The following CGNL1 variants were observed in gnomAD, a reference collection of about 807,000 sequenced individuals.
The protein encoded by CGNL1 is cingulin like 1.
A neutral mutation model predicts 141.2 loss-of-function variants in CGNL1; 132 were observed. The observed-to-expected ratio is 0.93, with a 90% CI of 0.81 to 1.08. The LOEUF is 1.08. CGNL1 is among the 50% of genes least tolerant of loss of function. The pLI is 0.00. For synonymous variants in CGNL1, 690 were observed against 622.1 expected (o/e 1.11, Z -1.63); for missense variants, 1,870 against 1,588.6 (o/e 1.18, Z -3.01).
At chr15:57,412,845 T>A (rs1396613355) in intron 1 of CGNL1, among the ~76,000 whole-genome samples, 2 of 152,164 alleles carry the variant, frequency 1.3e-5, no homozygotes, top group Admixed American at 1.3e-4. Flanking sequence ...CCCAGTGCCA[T>A]CTCTTAGTAT....
At chr15:57,450,041 A>G (rs2063302886) in intron 4 of CGNL1, among the ~76,000 whole-genome samples, 1 of 152,214 alleles carries the variant, frequency 6.6e-6, no homozygotes, top group African/African-American at 2.4e-5. Flanking sequence ...TTTTGTGTGG[A>G]CATGAGACTT....
rs61998131 is a variant in CGNL1 at position 57,465,546 on chromosome 15, A to C, written c.2403+3654A>C. Among the ~76,000 whole-genome samples the C allele has an allele frequency of 7.0e-3, 1,069 of 151,726 alleles. 4 individuals are homozygous for C. Among genetic ancestry groups the C allele is most frequent in the Non-Finnish European group, 0.013 (853 of 67,916 alleles). On this transcript the variant is annotated intron_variant, in intron 8 of 18. Transcript: ENST00000281282. ...GCTGGGATTACAGGCATGCGCCACC[A>C]CACCTGACTAATTTTTGTATTTTTA...
At chr15:57,458,694 G>A (rs1445952344) in intron 7 of CGNL1, among the ~76,000 whole-genome samples, 2 of 152,196 alleles carry the variant, frequency 1.3e-5, no homozygotes, top group Admixed American at 6.5e-5. Context: ...GCCCTGGGGG[G>A]TAGCCGGAAG....
intron 8 of CGNL1, among the ~76,000 whole-genome samples, chr15:57,471,624 C>A (rs1280094686): frequency 3.9e-5 from 6 of 152,160 alleles, no homozygotes. Flanking sequence ...CTGCCTATGC[C>A]TAGCCTTCTG....
chr15:57,412,846 C>G (rs1169076516), intron 1 of CGNL1, among the ~76,000 whole-genome samples: 1 of 152,130 alleles, frequency 6.6e-6, no homozygotes, highest in Non-Finnish European at 1.5e-5. Flanking sequence ...CCAGTGCCAT[C>G]TCTTAGTATC....
At chr15:57,517,256 C>T (rs1369218333) in intron 9 of CGNL1, among the ~76,000 whole-genome samples, 5 of 152,242 alleles carry the variant, frequency 3.3e-5, no homozygotes, top group Non-Finnish European at 7.3e-5. Flanking sequence ...CATACCCAGC[C>T]TTCCATGGCT....
intron 8 of CGNL1, among the ~76,000 whole-genome samples, chr15:57,512,299 C>T (rs2030381777): frequency 6.6e-6 from 1 of 151,998 alleles, no homozygotes; most frequent in Admixed American, 6.6e-5. Context: ...TTTTTGATTC[C>T]ATTACTACTG....
intron 8 of CGNL1, among the ~76,000 whole-genome samples, chr15:57,480,587 G>T (rs1403485867): frequency 9.2e-5 from 14 of 152,136 alleles, no homozygotes; most frequent in African/African-American, 3.4e-4. Context: ...ACCATCATTT[G>T]TCTGTGGGGG....
chr15:57,506,524 C>G (rs2064105266), intron 8 of CGNL1, among the ~76,000 whole-genome samples: 2 of 152,176 alleles, frequency 1.3e-5, no homozygotes, highest in African/African-American at 2.4e-5. Context: ...TCATAGAAGC[C>G]CCTGAAATGC....
chr15:57,385,635 A>G (rs1034331806), intron 1 of CGNL1, among the ~76,000 whole-genome samples: 10 of 152,306 alleles, frequency 6.6e-5, no homozygotes, highest in Middle Eastern at 3.4e-3. Flanking sequence ...CTTCCATTTC[A>G]GGTTTGTTTC....
intron 8 of CGNL1, among the ~76,000 whole-genome samples, chr15:57,506,609 TGGC>T (rs1428647486): frequency 2.6e-5 from 4 of 152,204 alleles, no homozygotes; most frequent in Non-Finnish European, 5.9e-5. Context: ...CTTCCCTGGC[TGGC>T]TCTGGGGAAT....
chr15:57,402,350 C>T (rs2062669416), intron 1 of CGNL1, among the ~76,000 whole-genome samples: 1 of 152,230 alleles, frequency 6.6e-6, no homozygotes, highest in Non-Finnish European at 1.5e-5. Context: ...TCACTAGAAG[C>T]TGAGCAGATG....
At chr15:57,485,720 T>C (rs1182038887) in intron 8 of CGNL1, among the ~76,000 whole-genome samples, 1 of 152,202 alleles carries the variant, frequency 6.6e-6, no homozygotes, top group Non-Finnish European at 1.5e-5. Flanking sequence ...CATAAGAGTA[T>C]AGAGTAGAAG....
At chr15:57,468,850 C>A (rs2063544659) in intron 8 of CGNL1, among the ~76,000 whole-genome samples, 1 of 152,088 alleles carries the variant, frequency 6.6e-6, no homozygotes. Flanking sequence ...TGAATAAGTC[C>A]CACGAAATCT....
intron 1 of CGNL1, among the ~76,000 whole-genome samples, chr15:57,401,449 A>C (rs1262257933): frequency 6.6e-6 from 1 of 152,176 alleles, no homozygotes; most frequent in Non-Finnish European, 1.5e-5. Flanking sequence ...TTGAATTTTT[A>C]AAAAGTTCCC....
intron 1 of CGNL1, among the ~76,000 whole-genome samples, chr15:57,409,314 A>T (rs1207945863): frequency 6.6e-6 from 1 of 152,146 alleles, no homozygotes; most frequent in African/African-American, 2.4e-5. Flanking sequence ...TGGGCTGGAG[A>T]TGTCTGGGGC....
At chr15:57,429,502 AG>A (rs1213259560) in intron 1 of CGNL1, among the ~76,000 whole-genome samples, 1 of 152,224 alleles carries the variant, frequency 6.6e-6, no homozygotes, top group Non-Finnish European at 1.5e-5. Flanking sequence ...AGGAAACTGT[AG>A]CACAAACGGT....
chr15:57,413,410 G>A (rs1192706053), intron 1 of CGNL1, among the ~76,000 whole-genome samples: 1 of 152,160 alleles, frequency 6.6e-6, no homozygotes, highest in East Asian at 1.9e-4. Flanking sequence ...CTGAGTAGCT[G>A]AGACTACAAG....
At chr15:57,530,659 A>C (rs752402737) in intron 13 of CGNL1, among the ~76,000 whole-genome samples, 6 of 152,164 alleles carry the variant, frequency 3.9e-5, no homozygotes, top group Admixed American at 6.5e-5. Context: ...GCCCAGCTCC[A>C]ATCCAAGTTG....
Sources: gnomAD v4.1 joint callset for allele counts (sites outside exome capture counted in the v4.1 genomes callset) on GRCh38, gnomAD v4.1.1 for gene constraint, MANE v1.5 for transcripts, NCBI Gene and HGNC (gene_info 2026-07-23, HGNC 2026-07-21) for gene names.